Variants in UGT1A6 observed in about 807,000 individuals in gnomAD.
UGT1A6 encodes UDP glucuronosyltransferase family 1 member A6, also known as UDP-glucuronosyltransferase 1A6.
Under a neutral mutation model 44.4 loss-of-function variants are expected in UGT1A6, and 32 were observed. The observed-to-expected ratio is 0.72, with a 90% CI of 0.54 to 0.97. The LOEUF (loss-of-function observed/expected upper bound fraction) is 0.97. Ranked by LOEUF, UGT1A6 falls within the 50% of genes least tolerant of loss-of-function variation. UGT1A6 has a pLI of 0.00. For synonymous variants in UGT1A6, 238 were observed against 248.5 expected, an observed-to-expected ratio of 0.96 and a Z score of 0.40; for missense variants, 685 against 661.9, an observed-to-expected ratio of 1.03 and a Z score of -0.38.
rs1464926221 is a variant in UGT1A6, at chr2:233,757,539, T to A, written c.862-9495T>A. ...GCCAAAATCTTGCCTGTAAGGAATA[T>A]ATATATATATATATATATATATGTA... On this transcript the variant is annotated intron_variant, in intron 1 of 4. Coordinates refer to ENST00000305139, the MANE Select transcript of UGT1A6 (RefSeq NM_001072.4). 4.5e-4 allele frequency among the ~76,000 whole-genome samples: 52 copies of A among 115,728 alleles called. 1 individual carries two copies. Among genetic ancestry groups the A allele is most frequent in the African/African-American group, 1.8e-3 (48 of 26,632 alleles). 75.9% of individuals were successfully genotyped at this position (115,728 alleles called of 152,430 possible). A position where few individuals can be genotyped will look rare whatever the true frequency, so the allele number is the denominator to read the frequency against.
chr2:233,768,143 G>A lies in UGT1A6; in HGVS notation c.1082-77G>A, dbSNP rs995477416. ...GTGAGTAACACTGAGTCTTTGGAGTGTTTTCAGAACCTAGATGTGTCCAGC... is the reference window on the plus strand; with the variant it reads ...GTGAGTAACACTGAGTCTTTGGAGTATTTTCAGAACCTAGATGTGTCCAGC... On this transcript the variant is annotated intron_variant, in intron 3 of 4. Coordinates refer to ENST00000305139, the MANE Select transcript of UGT1A6 (RefSeq NM_001072.4). 1.6e-5 allele frequency: 26 copies of A among 1,610,468 alleles called. No homozygotes were observed. In the African/African-American group the frequency reaches 3.5e-4, roughly 22 times the overall value.
intron 1 of UGT1A6, among the ~76,000 whole-genome samples, chr2:233,746,651 T>C (rs1051352282): frequency 6.6e-6 from 1 of 151,816 alleles, no homozygotes; most frequent in African/African-American, 2.4e-5. Context: ...CTTGGCTTTC[T>C]GTCCCGAGTT....
In UGT1A6 at chr2:233,767,014, A is replaced by C. The variant is rs1355233349; in HGVS notation, c.862-20A>C. The C allele has an allele frequency of 5.6e-6, 9 of 1,613,832 alleles. No individual in the cohort carries two copies. Among genetic ancestry groups the C allele is most frequent in the Non-Finnish European group, 1.7e-6 (2 of 1,179,972 alleles). On this transcript the variant is annotated intron_variant, in intron 1 of 4. Coordinates refer to ENST00000305139, the MANE Select transcript of UGT1A6 (RefSeq NM_001072.4). ...AGAATATGAGAAAAAATTAACTGAA[A>C]ATTTTTCTTCTGGCTCTAGGAATTT...
intron 1 of UGT1A6, chr2:233,752,635 T>C (rs1695024610): frequency 6.6e-6 from 1 of 152,222 alleles, no homozygotes; most frequent in Admixed American, 6.5e-5. Flanking sequence ...AGCTGTTGTC[T>C]TAGTTACTGG....
chr2:233,772,435 G>C lies in UGT1A6; in HGVS notation c.1475G>C (p.Gly492Ala). ...WYQYHSLDVIGFLLAVVLTVA... is the reference protein window; with the variant it reads ...WYQYHSLDVIAFLLAVVLTVA... ...CAGTACCATTCCTTGGACGTGATTG[G>C]TTTCCTCTTGGCCGTCGTGCTGACA... Residue 492 changes from glycine to alanine, a missense_variant, in exon 5 of 5, where the codon GGT becomes GCT. Coordinates refer to ENST00000305139, the MANE Select transcript of UGT1A6 (RefSeq NM_001072.4). The C allele has an allele frequency of 6.2e-7, 1 of 1,614,208 alleles. No homozygotes were observed. The highest frequency in any genetic ancestry group is 1.7e-5 in the Admixed American group (1 of 60,022).
intron 3 of UGT1A6, 24 bp downstream of exon 3, chr2:233,767,960 T>G (rs769330196): frequency 1.2e-6 from 2 of 1,614,082 alleles, no homozygotes; most frequent in Admixed American, 3.3e-5. Context: ...ATTGGATGTA[T>G]AGGTCAAACC....
chr2:233,749,095 G>A (rs535774350), intron 1 of UGT1A6, among the ~76,000 whole-genome samples: 9 of 151,904 alleles, frequency 5.9e-5, no homozygotes, highest in Admixed American at 5.2e-4. Context: ...TGTATTTCAT[G>A]AGAGAATTCA....
intron 1 of UGT1A6, chr2:233,719,191 T>A (rs1353737147): frequency 6.2e-7 from 1 of 1,614,228 alleles, no homozygotes; most frequent in Admixed American, 1.7e-5. Context: ...TCTTTGGCCC[T>A]TCATAGGTGT....
At chr2:233,762,775 C>T (rs1417742267) in intron 1 of UGT1A6, among the ~76,000 whole-genome samples, 1 of 151,182 alleles carries the variant, frequency 6.6e-6, no homozygotes, top group African/African-American at 2.4e-5. Context: ...CTATCTCTAG[C>T]TGATTATCTA....
chr2:233,717,430 C>T (rs528668664), intron 1 of UGT1A6, among the ~76,000 whole-genome samples: 2 of 152,364 alleles, frequency 1.3e-5, no homozygotes, highest in African/African-American at 4.8e-5. Flanking sequence ...GGGTGTCCCT[C>T]TGATGGACGC....
At chr2:233,743,600 C>A in intron 1 of UGT1A6, 2 of 1,367,332 alleles carry the variant, frequency 1.5e-6, no homozygotes, top group Non-Finnish European at 2.0e-6. Flanking sequence ...TGGGTCCTGG[C>A]CGCCGAAGAA....
intron 3 of UGT1A6, 28 bp downstream of exon 3, chr2:233,767,964 T>C: frequency 6.2e-7 from 1 of 1,614,138 alleles, no homozygotes; most frequent in Non-Finnish European, 8.5e-7. Context: ...GATGTATAGG[T>C]CAAACCAGGG....
chr2:233,715,826 A>AT (rs1221797206), intron 1 of UGT1A6, among the ~76,000 whole-genome samples: 3 of 152,148 alleles, frequency 2.0e-5, no homozygotes, highest in African/African-American at 4.8e-5. Flanking sequence ...GTTAGAAAAC[A>AT]TTTTTTTAAA....
At chr2:233,747,723 T>C in intron 1 of UGT1A6, 1 of 1,612,498 alleles carries the variant, frequency 6.2e-7, no homozygotes, top group Non-Finnish European at 8.5e-7. Flanking sequence ...TCCTGCTGTG[T>C]TTTTTTTGAG....
At chr2:233,755,148 T>TAGC in intron 1 of UGT1A6, 2 of 1,299,464 alleles carry the variant, frequency 1.5e-6, no homozygotes, top group East Asian at 9.2e-5. Context: ...TCTCACCGCT[T>TAGC]CCTCCCTGTC....
At chr2:233,731,557 A>C (rs2078177814) in intron 1 of UGT1A6, among the ~76,000 whole-genome samples, 1 of 152,126 alleles carries the variant, frequency 6.6e-6, no homozygotes, top group Non-Finnish European at 1.5e-5. Context: ...TCCATGTGAT[A>C]GTTTGCTGAG....
intron 1 of UGT1A6, among the ~76,000 whole-genome samples, chr2:233,738,670 T>G (rs377285735): frequency 6.6e-6 from 1 of 152,186 alleles, no homozygotes; most frequent in African/African-American, 2.4e-5. Flanking sequence ...TTGAGAGAGA[T>G]GATCTGAAAT....
At chr2:233,742,441 G>A (rs1332580930) in intron 1 of UGT1A6, among the ~76,000 whole-genome samples, 1 of 151,942 alleles carries the variant, frequency 6.6e-6, no homozygotes, top group African/African-American at 2.4e-5. Flanking sequence ...CCCTGGGTGG[G>A]CCAGGTGTTC....
At position 233,768,294 on chromosome 2, in the gene UGT1A6, C is replaced by T. The variant is rs901936528; in HGVS notation, c.1156C>T (p.Pro386Ser). The T allele has an allele frequency of 2.5e-6, 4 of 1,614,146 alleles. No individual in the cohort carries two copies. Among genetic ancestry groups the T allele is most frequent in the Non-Finnish European group, 3.4e-6 (4 of 1,180,048 alleles). The change falls in exon 4 of 5, where the codon CCC becomes TCC. Residue 386 changes from proline to serine, a missense_variant. Physicochemically the swap from Pro to Ser is moderately conservative, Grantham distance 74. Transcript: ENST00000305139. ...TTATGAAAGCATATGCAATGGCGTTCCCATGGTGATGATGCCCTTGTTTGG... is the reference window on the plus strand; with the variant it reads ...TTATGAAAGCATATGCAATGGCGTTTCCATGGTGATGATGCCCTTGTTTGG... ...GVYESICNGV[P>S]MVMMPLFGDQ...
Sources: allele counts gnomAD v4.1 joint callset (sites outside exome capture counted in the v4.1 genomes callset), GRCh38; gene constraint gnomAD v4.1.1; transcripts MANE v1.5; gene names NCBI Gene and HGNC (gene_info 2026-07-23, HGNC 2026-07-21).